CRIM1: variants seen among roughly 807,000 people sequenced by gnomAD.
CRIM1 encodes cysteine rich transmembrane BMP regulator 1.
In CRIM1, 32 loss-of-function variants were observed where a neutral mutation model predicts 116.4. That is an observed-to-expected ratio of 0.27 (90% CI 0.21 to 0.37). The LOEUF (loss-of-function observed/expected upper bound fraction) is 0.37, where lower values mean the gene tolerates loss of function less well. Among genes scored for constraint, CRIM1 ranks in the 10% least tolerant of loss-of-function variants. The pLI, the probability that CRIM1 is intolerant of heterozygous loss-of-function variation, is 1.00. For synonymous variants in CRIM1, 590 were observed against 509.2 expected (o/e 1.16, Z -2.13); for missense variants, 1,331 against 1,354.8 (o/e 0.98, Z 0.28).
intron 1 of CRIM1, among the ~76,000 whole-genome samples, chr2:36,357,948 C>T (rs761636253): frequency 6.6e-6 from 1 of 152,208 alleles, no homozygotes; most frequent in African/African-American, 2.4e-5. Context: ...GTGATTCTCT[C>T]TAAATACGCA....
chr2:36,531,477 C>T (rs1228950205), intron 13 of CRIM1, among the ~76,000 whole-genome samples: 1 of 151,676 alleles, frequency 6.6e-6, no homozygotes, highest in Non-Finnish European at 1.5e-5. Flanking sequence ...GTGCCACCAT[C>T]TCAGTGACTC....
chr2:36,384,326 G>C (rs934256249), intron 1 of CRIM1, among the ~76,000 whole-genome samples: 6 of 152,180 alleles, frequency 3.9e-5, no homozygotes, highest in Non-Finnish European at 7.4e-5. Flanking sequence ...GCTAGGCACA[G>C]GCCTCATTTA....
chr2:36,530,161 G>C (rs927896846), intron 13 of CRIM1, among the ~76,000 whole-genome samples: 4 of 152,110 alleles, frequency 2.6e-5, no homozygotes, highest in Admixed American at 6.5e-5. Flanking sequence ...CTGTGTATTA[G>C]ATCTCTGCCT....
At chr2:36,357,372 C>A (rs917623466) in intron 1 of CRIM1, among the ~76,000 whole-genome samples, 16 of 152,144 alleles carry the variant, frequency 1.1e-4, no homozygotes, top group African/African-American at 3.6e-4. Flanking sequence ...TGTTTCCTGT[C>A]GTGTTGCCGG....
chr2:36,379,980 C>T (rs1268665275), intron 1 of CRIM1, among the ~76,000 whole-genome samples: 1 of 151,666 alleles, frequency 6.6e-6, no homozygotes, highest in Non-Finnish European at 1.5e-5. Context: ...ACTTTGACCA[C>T]TCAGGGATAT....
intron 4 of CRIM1, among the ~76,000 whole-genome samples, chr2:36,444,344 A>T (rs760795298): frequency 6.6e-6 from 1 of 152,194 alleles, no homozygotes; most frequent in Non-Finnish European, 1.5e-5. Context: ...ATGTTCTGTA[A>T]TGAATTGGCT....
intron 7 of CRIM1, among the ~76,000 whole-genome samples, chr2:36,492,479 T>C (rs11891240): frequency 7.4e-4 from 113 of 152,322 alleles, no homozygotes; most frequent in African/African-American, 2.6e-3. Flanking sequence ...TCAATTTTTT[T>C]TTTTTCTTAT....
intron 1 of CRIM1, among the ~76,000 whole-genome samples, chr2:36,369,465 C>CA (rs1483736726): frequency 6.6e-6 from 1 of 152,194 alleles, no homozygotes; most frequent in Non-Finnish European, 1.5e-5. Flanking sequence ...CAGCCATTGA[C>CA]AGAAGGTGGT....
intron 13 of CRIM1, among the ~76,000 whole-genome samples, chr2:36,533,799 A>G (rs949608748): frequency 6.6e-6 from 1 of 152,138 alleles, no homozygotes; most frequent in African/African-American, 2.4e-5. Context: ...CATCAGTTGA[A>G]ATTATTCTAC....
At chr2:36,447,656 T>C in intron 4 of CRIM1, among the ~76,000 whole-genome samples, 1 of 152,220 alleles carries the variant, frequency 6.6e-6, no homozygotes. Flanking sequence ...TTCTGCCATG[T>C]TCTGTTGGTC....
At chr2:36,456,126 G>A (rs1001988298) in intron 4 of CRIM1, among the ~76,000 whole-genome samples, 7 of 152,234 alleles carry the variant, frequency 4.6e-5, no homozygotes, top group South Asian at 4.1e-4. Flanking sequence ...TCCAGACATC[G>A]TTGGTGTTTG....
chr2:36,365,628 G>C (rs574540097), intron 1 of CRIM1, among the ~76,000 whole-genome samples: 17 of 152,320 alleles, frequency 1.1e-4, no homozygotes, highest in African/African-American at 3.4e-4. Context: ...GATATAGTGC[G>C]GGGTAGGAAG....
rs1668840081 is a variant in CRIM1 at position 36,356,754 on chromosome 2, C to T, written c.331+131C>T. The T allele has an allele frequency of 4.6e-6, 4 of 876,666 alleles. No homozygotes were observed. The highest frequency in any genetic ancestry group is 2.9e-5 in the Admixed American group (1 of 34,540). The allele number at this position is 876,666 out of a possible 1,614,324, so 54.3% of individuals were successfully genotyped here. ...TCTGCGGGAAGAGGGGCGGCCGCCG[C>T]CCCCAGGAGAGTGCCCCCGCGGCCC... On this transcript the variant is annotated intron_variant, in intron 1 of 16. Transcript: ENST00000280527. The surrounding 1 kb of genome is among the most constrained non-coding windows in gnomAD (Gnocchi z 4.3).
At chr2:36,433,468 A>C (rs958783204) in intron 2 of CRIM1, among the ~76,000 whole-genome samples, 1 of 152,332 alleles carries the variant, frequency 6.6e-6, no homozygotes, top group Non-Finnish European at 1.5e-5. Context: ...GTGGCTTGCC[A>C]GGGTGTTGGA....
chr2:36,442,723 C>CT lies in CRIM1; in HGVS notation c.860dup (p.Leu287PhefsTer18). The stretch of plus-strand genomic sequence containing the variant: ...AGACTAACTGCAGATGGTTGCTGTA[C>CT]TTTGCCAACAAGGTTAGTTTGCCAT... On this transcript the variant is annotated frameshift_variant, in exon 4 of 17. Transcript: ENST00000280527. LOFTEE classifies it high-confidence loss of function. 1 of 1,614,178 alleles carries CT rather than the reference C, an allele frequency of 6.2e-7. No individual in the cohort carries two copies. Among genetic ancestry groups the CT allele is most frequent in the Non-Finnish European group, 8.5e-7 (1 of 1,180,028 alleles).
chr2:36,399,907 A>G (rs983989254), intron 2 of CRIM1, among the ~76,000 whole-genome samples: 1 of 152,214 alleles, frequency 6.6e-6, no homozygotes, highest in Admixed American at 6.5e-5. Context: ...TGAATTAACT[A>G]GGGAAATGTA....
At chr2:36,459,554 G>A (rs943347418) in intron 4 of CRIM1, among the ~76,000 whole-genome samples, 1 of 152,168 alleles carries the variant, frequency 6.6e-6, no homozygotes, top group Non-Finnish European at 1.5e-5. Flanking sequence ...GATTTAGTAT[G>A]ATGGGCCGAT....
At chr2:36,469,051 G>A (rs1001215440) in intron 5 of CRIM1, among the ~76,000 whole-genome samples, 3 of 152,084 alleles carry the variant, frequency 2.0e-5, no homozygotes, top group African/African-American at 7.2e-5. Flanking sequence ...TTAGCCTTAC[G>A]GTATTTAATA....
intron 8 of CRIM1, 39 bp downstream of exon 8, chr2:36,499,386 A>C (rs761366438): frequency 6.3e-7 from 1 of 1,597,200 alleles, no homozygotes; most frequent in Non-Finnish European, 8.6e-7. Context: ...TCTGAGGCCT[A>C]ATATGATATT....
Sources: gnomAD v4.1 joint callset for allele counts (sites outside exome capture counted in the v4.1 genomes callset) on GRCh38, gnomAD v4.1.1 for gene constraint, Gnocchi (gnomAD v3.1) non-coding constraint, MANE v1.5 for transcripts, NCBI Gene and HGNC (gene_info 2026-07-23, HGNC 2026-07-21) for gene names.